Variants in PCDHGB5 observed in about 807,000 individuals in gnomAD.
PCDHGB5 encodes protocadherin gamma-B5.
In PCDHGB5, 48 loss-of-function variants were observed where a neutral mutation model predicts 62.9. The ratio of observed to expected loss-of-function variants is 0.76; its 90% confidence interval spans 0.61 to 0.97. PCDHGB5 has a LOEUF of 0.97. Ranked by LOEUF, PCDHGB5 falls within the 50% of genes least tolerant of loss-of-function variation. The pLI, the probability that PCDHGB5 is intolerant of heterozygous loss-of-function variation, is 0.00. For synonymous variants in PCDHGB5, 474 were observed against 511.2 expected (o/e 0.93, Z 0.98); for missense variants, 1,118 against 1,198.6 (o/e 0.93, Z 0.99).
rs368791778 is a variant in PCDHGB5, at chr5:141,409,216, T to C, written c.2397+8692T>C. The C allele has an allele frequency of 4.3e-6, 7 of 1,613,886 alleles. No homozygotes were observed. The African/African-American group carries it at 9.3e-5, about 22-fold the overall frequency. On this transcript the variant is annotated intron_variant, in intron 1 of 3. Coordinates refer to ENST00000617380, the MANE Select transcript of PCDHGB5 (RefSeq NM_018925.3). ...AGTGTAAAGTAATCATAGAAATCCT[T>C]GATGAAAACGACAACAGCCCAGAAA...
chr5:141,404,758 T>C, intron 1 of PCDHGB5: 1 of 1,613,742 alleles, frequency 6.2e-7, no homozygotes, highest in Non-Finnish European at 8.5e-7. Flanking sequence ...GCCAGAATGC[T>C]TGGCTCTCCT....
At chr5:141,406,446 C>T (rs1292880739) in intron 1 of PCDHGB5, among the ~76,000 whole-genome samples, 1 of 152,200 alleles carries the variant, frequency 6.6e-6, no homozygotes, top group Non-Finnish European at 1.5e-5. Flanking sequence ...TCTTCCATTT[C>T]TATGACAGGA....
In PCDHGB5 at chr5:141,485,569, T is replaced by C; in HGVS notation, c.2398-9238T>C. The C allele has an allele frequency of 6.2e-7, 1 of 1,612,664 alleles. No individual in the cohort carries two copies. Among genetic ancestry groups the C allele is most frequent in the Non-Finnish European group, 8.5e-7 (1 of 1,178,890 alleles). ...TAGATGTGAATGATCACGCCCCCCG[T>C]TTTCCGCGGCAGCAGCTGGACTTGG... On this transcript the variant is annotated intron_variant, in intron 1 of 3. Coordinates refer to ENST00000617380, the MANE Select transcript of PCDHGB5 (RefSeq NM_018925.3). This position sits in a 1 kb window ranked among gnomAD's most constrained non-coding sequence, Gnocchi z 5.7.
Position 141,399,833 on chromosome 5 carries a change from C to A in PCDHGB5, c.1706C>A (p.Ala569Glu). 6.2e-7 allele frequency: 1 copy of A among 1,613,140 alleles called. No individual in the cohort carries two copies. The highest frequency in any genetic ancestry group is 8.5e-7 in the Non-Finnish European group (1 of 1,179,774). The change falls in exon 1 of 4, where the codon GCG (alanine) becomes GAG (glutamate). Residue 569 changes from alanine to glutamate, a missense_variant. Coordinates refer to ENST00000617380, the MANE Select transcript of PCDHGB5 (RefSeq NM_018925.3). ...CCCGCGCTGGGTCCCGACGGCTCTGCGCTCTTCGATATGGTGCCGCGCGCT... is the reference window on the plus strand; with the variant it reads ...CCCGCGCTGGGTCCCGACGGCTCTGAGCTCTTCGATATGGTGCCGCGCGCT... The part of the protein sequence containing the change: ...LYPALGPDGS[A>E]LFDMVPRAAE...
intron 3 of PCDHGB5, chr5:141,508,415 A>T (rs2099868684): frequency 6.6e-6 from 1 of 152,158 alleles, no homozygotes; most frequent in Non-Finnish European, 1.5e-5. Context: ...CCACGCAGAG[A>T]CTTGACCAAG....
intron 1 of PCDHGB5, among the ~76,000 whole-genome samples, chr5:141,429,377 G>GT (rs566693637): frequency 0.17 from 24,737 of 149,382 alleles, 2,566 homozygotes; most frequent in African/African-American, 0.31. Context: ...GAGAAAATGT[G>GT]TTTTTTTTTT....
rs1004089667 is a variant in PCDHGB5, at chr5:141,497,399, C to G, written c.2456+2534C>G. The stretch of plus-strand genomic sequence containing the variant: ...TGGGGTGAGCACCTTACCCCTGCCT[C>G]AACTCCCATTCCATCAAATGAGAGG... On this transcript the variant is annotated intron_variant, in intron 2 of 3. Coordinates refer to ENST00000617380, the MANE Select transcript of PCDHGB5 (RefSeq NM_018925.3). Among the ~76,000 whole-genome samples the G allele has an allele frequency of 5.9e-5, 9 of 152,146 alleles. 1 individual carries two copies. The highest frequency in any genetic ancestry group is 1.2e-4 in the Non-Finnish European group (8 of 68,034).
chr5:141,422,398 C>T lies in PCDHGB5; in HGVS notation c.2397+21874C>T, dbSNP rs2096646163. On this transcript the variant is annotated intron_variant, in intron 1 of 3. Transcript: ENST00000617380. Reference sequence around the variant, plus strand: ...AGTCTCCTGTTTTATTCCTAACCACCTGCCTTTTAAATTAGAAAAGACTTA... The same window carrying T: ...AGTCTCCTGTTTTATTCCTAACCACTTGCCTTTTAAATTAGAAAAGACTTA... The T allele has an allele frequency of 1.9e-6, 3 of 1,597,634 alleles. No individual in the cohort carries two copies. In the Admixed American group the frequency reaches 5.3e-5, roughly 28 times the overall value.
chr5:141,494,775 A>G (rs1202233200), intron 1 of PCDHGB5, 32 bp from the exon 2 acceptor site: 1 of 1,613,580 alleles, frequency 6.2e-7, no homozygotes. Flanking sequence ...TCTCACGGGT[A>G]CTCAGCCCCT....
Position 141,432,320 on chromosome 5 carries a change from G to A in PCDHGB5, c.2397+31796G>A, listed in dbSNP as rs369088426. 4 of 1,614,120 alleles carry A rather than the reference G, an allele frequency of 2.5e-6. No individual in the cohort carries two copies. The African/African-American group carries it at 4.0e-5, about 16-fold the overall frequency. On this transcript the variant is annotated intron_variant, in intron 1 of 3. Coordinates refer to ENST00000617380, the MANE Select transcript of PCDHGB5 (RefSeq NM_018925.3). The surrounding 1 kb of genome is among the most constrained non-coding windows in gnomAD (Gnocchi z 6.0). ...GGTACTGTATGCGCTGAGCTCCTTC[G>A]ACTACGAGCAGTTCCGAGACTTGCA...
In PCDHGB5 at chr5:141,485,042, C is replaced by T; in HGVS notation, c.2398-9765C>T. ...CAGCAAAAACGGCGCGTAACCCTTGCGGCGCCGGCCGAACCGCGCCAGAGC... is the reference window on the plus strand; with the variant it reads ...CAGCAAAAACGGCGCGTAACCCTTGTGGCGCCGGCCGAACCGCGCCAGAGC... On this transcript the variant is annotated intron_variant, in intron 1 of 3. Coordinates refer to ENST00000617380, the MANE Select transcript of PCDHGB5 (RefSeq NM_018925.3). This position sits in a 1 kb window ranked among gnomAD's most constrained non-coding sequence, Gnocchi z 5.7. 1 of 724,054 alleles carries T rather than the reference C, an allele frequency of 1.4e-6. No individual in the cohort carries two copies. Among genetic ancestry groups the T allele is most frequent in the South Asian group, 1.8e-5 (1 of 56,650 alleles). 44.9% of individuals were successfully genotyped at this position (724,054 alleles called of 1,614,324 possible). A position where few individuals can be genotyped will look rare whatever the true frequency, so the allele number is the denominator to read the frequency against.
chr5:141,448,948 AAAAC>A (rs1237948751), intron 1 of PCDHGB5, among the ~76,000 whole-genome samples: 14 of 152,170 alleles, frequency 9.2e-5, no homozygotes, highest in African/African-American at 9.7e-5. Flanking sequence ...GCAACTCAAA[AAAAC>A]AAACAAACAA....
chr5:141,490,978 C>T lies in PCDHGB5; in HGVS notation c.2398-3829C>T. 6.2e-7 allele frequency: 1 copy of T among 1,614,100 alleles called. No individual in the cohort carries two copies. Among genetic ancestry groups the T allele is most frequent in the Non-Finnish European group, 8.5e-7 (1 of 1,180,034 alleles). ...GGAACACTCAGCCCCCCAGCGTCTC[C>T]CTCGCTCTGCTCCTCCTGGCTCCTT... is the stretch of plus-strand genomic sequence containing the variant. On this transcript the variant is annotated intron_variant, in intron 1 of 3. Coordinates refer to ENST00000617380, the MANE Select transcript of PCDHGB5 (RefSeq NM_018925.3). The surrounding 1 kb of genome is among the most constrained non-coding windows in gnomAD (Gnocchi z 5.4).
chr5:141,425,221 C>T (rs2096862694), intron 1 of PCDHGB5, among the ~76,000 whole-genome samples: 1 of 152,068 alleles, frequency 6.6e-6, no homozygotes, highest in African/African-American at 2.4e-5. Context: ...TGTACTTTGA[C>T]TGGAATTAGT....
rs765969768 is a variant in PCDHGB5, at chr5:141,421,456, G to A, written c.2397+20932G>A. ...CTCCAGAGGGAAGACACAGCTTTTC[G>A]CTGTGAATCCGCGAAGCGGCAGCTT... is the stretch of plus-strand genomic sequence containing the variant. On this transcript the variant is annotated intron_variant, in intron 1 of 3. Transcript: ENST00000617380. 9.3e-6 allele frequency: 15 copies of A among 1,614,132 alleles called. No homozygotes were observed. Among genetic ancestry groups the A allele is most frequent in the Non-Finnish European group, 1.1e-5 (13 of 1,179,948 alleles).
At chr5:141,510,795 G>A in intron 3 of PCDHGB5, 152 bp from the exon 4 acceptor site, 6 of 1,465,214 alleles carry the variant, frequency 4.1e-6, no homozygotes, top group Non-Finnish European at 5.5e-6. Context: ...CTTGTGAAGA[G>A]AGACTACCTT....
chr5:141,476,233 G>A lies in PCDHGB5; in HGVS notation c.2398-18574G>A, dbSNP rs1162067190. ...CGGTCATTCACTATGAGATCCCGGA[G>A]GAAAGAGAGAAGGGTTTCGCTGTGG... On this transcript the variant is annotated intron_variant, in intron 1 of 3. Coordinates refer to ENST00000617380, the MANE Select transcript of PCDHGB5 (RefSeq NM_018925.3). The surrounding 1 kb of genome is among the most constrained non-coding windows in gnomAD (Gnocchi z 7.6). The A allele has an allele frequency of 3.1e-6, 5 of 1,613,996 alleles. No homozygotes were observed. Among genetic ancestry groups the A allele is most frequent in the African/African-American group, 2.7e-5 (2 of 74,894 alleles).
rs748605515 is a variant in PCDHGB5 at position 141,486,688 on chromosome 5, C to T, written c.2398-8119C>T. ...CCAGGAATCGAGATGTATCAGCTTC[C>T]TCTTTCATCTCTCTGAACCCCCAGA... On this transcript the variant is annotated intron_variant, in intron 1 of 3. Transcript: ENST00000617380. The surrounding 1 kb of genome is among the most constrained non-coding windows in gnomAD (Gnocchi z 5.0). 2 of 1,614,170 alleles carry T rather than the reference C, an allele frequency of 1.2e-6. No individual in the cohort carries two copies. The highest frequency in any genetic ancestry group is 1.1e-5 in the South Asian group (1 of 91,086).
chr5:141,422,166 T>G (rs370704205), intron 1 of PCDHGB5: 30 of 1,569,256 alleles, frequency 1.9e-5, no homozygotes, highest in Non-Finnish European at 2.5e-5. Flanking sequence ...TTGAAAAATA[T>G]AGATTCTATG....
Sources: gnomAD v4.1 joint callset for allele counts (sites outside exome capture counted in the v4.1 genomes callset) on GRCh38, gnomAD v4.1.1 for gene constraint, Gnocchi (gnomAD v3.1) non-coding constraint, MANE v1.5 for transcripts, NCBI Gene and HGNC (gene_info 2026-07-23, HGNC 2026-07-21) for gene names.